Variants in JPH3 observed in about 807,000 individuals in gnomAD.
The protein encoded by JPH3 is junctophilin 3, also known as junctophilin-3.
In JPH3, 11 loss-of-function variants were observed where a neutral mutation model predicts 59.6. The ratio of observed to expected loss-of-function variants is 0.18; its 90% CI spans 0.12 to 0.31. The LOEUF (loss-of-function observed/expected upper bound fraction) is 0.31. Ranked by LOEUF, JPH3 falls within the 10% of genes least tolerant of loss-of-function variation. JPH3 has a pLI of 1.00. For synonymous variants in JPH3, 673 were observed against 483.6 expected (o/e 1.39, Z -5.14); for missense variants, 1,202 against 1,105.7 (o/e 1.09, Z -1.24).
intron 2 of JPH3, among the ~76,000 whole-genome samples, chr16:87,658,892 G>T (rs1038489155): frequency 2.0e-5 from 3 of 152,234 alleles, no homozygotes; most frequent in Non-Finnish European, 2.9e-5. Context: ...AGCCATCCCA[G>T]TTAATTATTT....
chr16:87,647,752 C>A (rs536381920), intron 2 of JPH3, among the ~76,000 whole-genome samples: 4 of 152,326 alleles, frequency 2.6e-5, no homozygotes, highest in South Asian at 2.1e-4. Context: ...CACGTCCATG[C>A]GCACCTGTGG....
chr16:87,637,783 C>G (rs992931762), intron 1 of JPH3, among the ~76,000 whole-genome samples: 1 of 152,194 alleles, frequency 6.6e-6, no homozygotes, highest in Non-Finnish European at 1.5e-5. Flanking sequence ...GCTTCTTGCT[C>G]AAGGATTCCA....
At chr16:87,633,776 C>T (rs766793428) in intron 1 of JPH3, among the ~76,000 whole-genome samples, 7 of 151,712 alleles carry the variant, frequency 4.6e-5, no homozygotes, top group African/African-American at 1.5e-4. Flanking sequence ...CCAGCCTGGG[C>T]GACAGAATGA....
In JPH3 at chr16:87,644,338, G is replaced by C. The variant is rs747066190; in HGVS notation, c.463G>C (p.Val155Leu). 6.2e-7 allele frequency: 1 copy of C among 1,612,892 alleles called. No individual in the cohort carries two copies. The highest frequency in any genetic ancestry group is 1.3e-5 in the African/African-American group (1 of 74,948). ...RQSVPYGMAAVIRSPLRTSIN... is the reference protein window; with the variant it reads ...RQSVPYGMAALIRSPLRTSIN... ...GAGCGTCCCGTATGGCATGGCCGCGGTCATCCGCTCACCCCTGAGGACGTC... is the reference window on the plus strand; with the variant it reads ...GAGCGTCCCGTATGGCATGGCCGCGCTCATCCGCTCACCCCTGAGGACGTC... The change falls in exon 2 of 5, where the codon GTC becomes CTC. Residue 155 changes from valine (V) to leucine (L), a missense_variant. Coordinates refer to ENST00000284262, the MANE Select transcript of JPH3 (RefSeq NM_020655.4).
At chr16:87,630,885 A>G (rs1475186408) in intron 1 of JPH3, among the ~76,000 whole-genome samples, 1 of 152,078 alleles carries the variant, frequency 6.6e-6, no homozygotes, top group Non-Finnish European at 1.5e-5. Flanking sequence ...GCTATATTGC[A>G]TTTTTTGTTG....
intron 1 of JPH3, among the ~76,000 whole-genome samples, chr16:87,607,375 C>T (rs575850735): frequency 3.9e-5 from 6 of 152,302 alleles, no homozygotes; most frequent in Non-Finnish European, 7.4e-5. Flanking sequence ...TCCCGTTCAC[C>T]GGCCCAGATT....
At chr16:87,658,028 G>A (rs1447487987) in intron 2 of JPH3, among the ~76,000 whole-genome samples, 2 of 152,278 alleles carry the variant, frequency 1.3e-5, no homozygotes, top group Non-Finnish European at 2.9e-5. Context: ...GGGTGTGGAG[G>A]GGACTGGGGG....
chr16:87,656,847 A>G lies in JPH3; in HGVS notation c.1160+11812A>G, dbSNP rs190251827. 3.6e-4 allele frequency among the ~76,000 whole-genome samples: 55 copies of G among 152,270 alleles called. No individual in the cohort carries two copies. In the East Asian group the frequency reaches 0.01, roughly 28 times the overall value. ...TTTCTCCCCGTTCTGAAAACTGGAC[A>G]GTCCAAATGCATGGTGCCTGTGGTG... On this transcript the variant is annotated intron_variant, in intron 2 of 4. Coordinates refer to ENST00000284262, the MANE Select transcript of JPH3 (RefSeq NM_020655.4).
chr16:87,632,244 C>CA lies in JPH3; in HGVS notation c.383-12013dup, dbSNP rs541136425. ...TTTTGGTTCAGAATGAGCACTTTCC[C>CA]AGTGCCTGCTGAAGCATTGGCGAAA... On this transcript the variant is annotated intron_variant, in intron 1 of 4. Coordinates refer to ENST00000284262, the MANE Select transcript of JPH3 (RefSeq NM_020655.4). 2.2e-4 allele frequency among the ~76,000 whole-genome samples: 34 copies of CA among 152,266 alleles called. No homozygotes were observed. The South Asian group carries it at 6.9e-3, about 31-fold the overall frequency.
At chr16:87,668,946 C>T (rs1409154407) in intron 2 of JPH3, among the ~76,000 whole-genome samples, 3 of 152,154 alleles carry the variant, frequency 2.0e-5, no homozygotes, top group African/African-American at 4.8e-5. Flanking sequence ...ACGTGGGCTC[C>T]AGGTAGCTGC....
At chr16:87,682,979 C>G (rs1333565238) in intron 2 of JPH3, among the ~76,000 whole-genome samples, 1 of 152,272 alleles carries the variant, frequency 6.6e-6, no homozygotes, top group Admixed American at 6.5e-5. Context: ...CAGGACTCAG[C>G]AGAGGGAGAG....
rs750976547 is a variant in JPH3 at position 87,689,994 on chromosome 16, G to A, written c.1634G>A (p.Gly545Asp). Residue 545 changes from glycine to aspartate, a missense_variant, in exon 4 of 5, where the codon GGT becomes GAT. Coordinates refer to ENST00000284262, the MANE Select transcript of JPH3 (RefSeq NM_020655.4). ...GGGGGCTCCAGGGGTGTCCGCAGCG[G>A]TGCCCTGCGCGGCGGCCTGCTCGTG... is the stretch of plus-strand genomic sequence containing the variant. Reference protein sequence around the residue: ...QAGGSRGVRSGALRGGLLVDD... With the variant: ...QAGGSRGVRSDALRGGLLVDD... The A allele has an allele frequency of 3.4e-4, 502 of 1,493,548 alleles. No individual in the cohort carries two copies. Among genetic ancestry groups the A allele is most frequent in the Non-Finnish European group, 4.3e-4 (478 of 1,122,116 alleles). The allele number at this position is 1,493,548 out of a possible 1,614,324, so 92.5% of individuals were successfully genotyped here.
chr16:87,645,553 A>G (rs551916634), intron 2 of JPH3, among the ~76,000 whole-genome samples: 29 of 152,284 alleles, frequency 1.9e-4, no homozygotes, highest in African/African-American at 6.0e-4. Context: ...GTGCCTGGCA[A>G]GGGGCTCATG....
chr16:87,687,781 G>C (rs959705219), intron 3 of JPH3, among the ~76,000 whole-genome samples: 12 of 152,148 alleles, frequency 7.9e-5, no homozygotes, highest in African/African-American at 2.9e-4. Flanking sequence ...GGGTCTCCTG[G>C]GCCAGCCAGG....
At chr16:87,631,259 C>T (rs1187979111) in intron 1 of JPH3, among the ~76,000 whole-genome samples, 1 of 152,190 alleles carries the variant, frequency 6.6e-6, no homozygotes, top group Non-Finnish European at 1.5e-5. Context: ...TCATGGTTTC[C>T]TCCCTCATTT....
Position 87,690,448 on chromosome 16 carries a change from C to CGAG in JPH3, c.2088_2089insGAG (p.Thr696_Phe697insGlu), listed in dbSNP as rs1282041536. 2.7e-6 allele frequency: 4 copies of CGAG among 1,486,820 alleles called. No homozygotes were observed. The African/African-American group carries it at 5.7e-5, about 21-fold the overall frequency. The allele number at this position is 1,486,820 out of a possible 1,614,324, so 92.1% of individuals were successfully genotyped here. ...CCCGGTTGCTGCGTTGGGACTTGACCTTCTCCCCGCCCCAGAAATCCTTGC... is the reference window on the plus strand; with the variant it reads ...CCCGGTTGCTGCGTTGGGACTTGACCGAGTTCTCCCCGCCCCAGAAATCCTTGC... On this transcript the variant is annotated inframe_insertion, in exon 4 of 5. Coordinates refer to ENST00000284262, the MANE Select transcript of JPH3 (RefSeq NM_020655.4).
intron 1 of JPH3, among the ~76,000 whole-genome samples, chr16:87,638,003 T>C (rs2031814277): frequency 6.6e-6 from 1 of 152,160 alleles, no homozygotes; most frequent in Non-Finnish European, 1.5e-5. Context: ...TGCAGCAGCC[T>C]CTGCCTCCTG....
chr16:87,632,296 C>A (rs117059643), intron 1 of JPH3, among the ~76,000 whole-genome samples: 1 of 152,350 alleles, frequency 6.6e-6, no homozygotes, highest in East Asian at 1.9e-4. Flanking sequence ...ACTTCCCTGG[C>A]AGTCCTCCCC....
chr16:87,641,922 C>T (rs540755585), intron 1 of JPH3, among the ~76,000 whole-genome samples: 18 of 152,232 alleles, frequency 1.2e-4, no homozygotes, highest in South Asian at 4.2e-4. Context: ...GTCTGGATGC[C>T]GCGGGTGCCG....
Sources: gnomAD v4.1 joint callset for allele counts (sites outside exome capture counted in the v4.1 genomes callset) on GRCh38, gnomAD v4.1.1 for gene constraint, MANE v1.5 for transcripts, NCBI Gene and HGNC (gene_info 2026-07-23, HGNC 2026-07-21) for gene names.